The following NCALD variants were observed in gnomAD, a reference collection of about 807,000 sequenced individuals.
NCALD encodes neurocalcin-delta.
In NCALD, 10 loss-of-function variants were observed where a neutral mutation model predicts 18.6. That is an observed-to-expected ratio of 0.54 (90% confidence interval 0.33 to 0.91). The LOEUF (loss-of-function observed/expected upper bound fraction) is 0.91. Ranked by LOEUF, NCALD falls within the 40% of genes least tolerant of loss-of-function variation. The pLI is 0.03. For missense variants in NCALD, 184 were observed against 247.6 expected (o/e 0.74, Z 1.72); for synonymous variants, 88 against 87.4 (o/e 1.01, Z -0.04).
chr8:101,771,588 A>G (rs1179191592), intron 1 of NCALD, among the ~76,000 whole-genome samples: 3 of 152,208 alleles, frequency 2.0e-5, no homozygotes, highest in African/African-American at 4.8e-5. Context: ...AAATGCATCT[A>G]ATGCCTAAGG....
intron 1 of NCALD, among the ~76,000 whole-genome samples, chr8:102,093,484 G>C (rs1298246636): frequency 6.6e-6 from 1 of 152,166 alleles, no homozygotes; most frequent in East Asian, 1.9e-4. Context: ...GGTAAGTAAG[G>C]TTGGTAAGAT....
chr8:102,065,099 G>A (rs1360322137), intron 1 of NCALD, among the ~76,000 whole-genome samples: 1 of 151,882 alleles, frequency 6.6e-6, no homozygotes, highest in Admixed American at 6.6e-5. Flanking sequence ...AGCAGTAGGG[G>A]CTTTGAGGGC....
chr8:101,725,589 C>T (rs1281321968), intron 1 of NCALD, among the ~76,000 whole-genome samples: 13 of 152,188 alleles, frequency 8.5e-5, no homozygotes, highest in African/African-American at 2.7e-4. Context: ...CTTAGCCATC[C>T]GCAGACAGCA....
At chr8:101,692,006 T>C in intron 3 of NCALD, 1 of 983,228 alleles carries the variant, frequency 1.0e-6, no homozygotes. Flanking sequence ...ATTAAATACA[T>C]GATGCCCCGT....
intron 4 of NCALD, among the ~76,000 whole-genome samples, chr8:101,798,233 A>AAATGATT (rs1421335873): frequency 6.6e-6 from 1 of 152,332 alleles, no homozygotes; most frequent in East Asian, 1.9e-4. Context: ...TTTGTGGATG[A>AAATGATT]AATGATTATC....
chr8:101,750,877 C>T (rs1244516938), intron 1 of NCALD, among the ~76,000 whole-genome samples: 1 of 152,148 alleles, frequency 6.6e-6, no homozygotes, highest in African/African-American at 2.4e-5. Context: ...AAGAGGTCTC[C>T]ACCTCTGATG....
At chr8:101,799,408 A>G (rs1221589967) in intron 4 of NCALD, among the ~76,000 whole-genome samples, 2 of 152,190 alleles carry the variant, frequency 1.3e-5, no homozygotes, top group Admixed American at 1.3e-4. Flanking sequence ...CTATCATGCA[A>G]CTCAGCAATT....
chr8:101,882,180 C>T (rs1402868136), intron 4 of NCALD, among the ~76,000 whole-genome samples: 1 of 152,156 alleles, frequency 6.6e-6, no homozygotes, highest in Non-Finnish European at 1.5e-5. Context: ...AAGGATCACG[C>T]TAACAACATG....
chr8:101,709,038 CACAA>C (rs766675408), intron 2 of NCALD, among the ~76,000 whole-genome samples: 3 of 152,148 alleles, frequency 2.0e-5, no homozygotes, highest in Admixed American at 6.5e-5. Flanking sequence ...GGATAAAACA[CACAA>C]ACAAAGCAAA....
At chr8:102,103,220 C>A (rs1825344623) in intron 1 of NCALD, among the ~76,000 whole-genome samples, 1 of 128,254 alleles carries the variant, frequency 7.8e-6, no homozygotes, top group Non-Finnish European at 1.6e-5. Flanking sequence ...ACGATTGCCA[C>A]CTCTCTTCTC....
rs189060880 is a variant in NCALD, at chr8:101,989,425, C to T, written c.-157+30812G>A. ...ATACATAAAAAGATGCTCATGGCAA[C>T]ATTACTTATTATAGTTTAAAAAAAT... On this transcript the variant is annotated intron_variant, in intron 2 of 6. Coordinates refer to the NCALD transcript ENST00000311028. Among the ~76,000 whole-genome samples the T allele has an allele frequency of 2.2e-3, 338 of 152,272 alleles. 3 individuals are homozygous for T. The highest frequency in any genetic ancestry group is 0.021 in the Admixed American group (324 of 15,302).
chr8:101,826,933 A>G (rs2131221261), intron 4 of NCALD, among the ~76,000 whole-genome samples: 1 of 152,332 alleles, frequency 6.6e-6, no homozygotes, highest in Non-Finnish European at 1.5e-5. Flanking sequence ...CACACAAGAA[A>G]TAGATTAAAG....
At chr8:102,075,540 A>C (rs1388688844) in intron 1 of NCALD, among the ~76,000 whole-genome samples, 1 of 152,200 alleles carries the variant, frequency 6.6e-6, no homozygotes, top group East Asian at 1.9e-4. Flanking sequence ...TGCATCTCTT[A>C]GGGTTTTCTT....
chr8:101,761,034 G>A (rs1320144527), intron 1 of NCALD, among the ~76,000 whole-genome samples: 1 of 106,384 alleles, frequency 9.4e-6, no homozygotes, highest in East Asian at 3.4e-4. Flanking sequence ...GGGGCGGGGG[G>A]AGGGATGCTT....
chr8:102,075,584 T>C (rs1368573911), intron 1 of NCALD, among the ~76,000 whole-genome samples: 2 of 152,224 alleles, frequency 1.3e-5, no homozygotes, highest in Non-Finnish European at 2.9e-5. Flanking sequence ...CTGAGGTTCC[T>C]TCTTATTTAA....
chr8:102,110,563 A>G (rs1489625736), intron 1 of NCALD, among the ~76,000 whole-genome samples: 1 of 152,190 alleles, frequency 6.6e-6, no homozygotes, highest in Non-Finnish European at 1.5e-5. Context: ...TAGGCTGGGC[A>G]CTTAGATTAG....
At chr8:101,898,739 T>C (rs1817305810) in intron 3 of NCALD, among the ~76,000 whole-genome samples, 1 of 152,166 alleles carries the variant, frequency 6.6e-6, no homozygotes, top group South Asian at 2.1e-4. Flanking sequence ...TTCTGTCCTA[T>C]GTATCACTCT....
rs145623636 is a variant in NCALD, at chr8:102,110,423, G to A, written c.-210+13814C>T. Among the ~76,000 whole-genome samples, 130 of 152,204 alleles carry A rather than the reference G, an allele frequency of 8.5e-4. No homozygotes were observed. The East Asian group carries it at 0.018, about 21-fold the overall frequency. ...AGGACAGTCCCTATTTCTGCCTGTC[G>A]TTTTGCTGTAATTATTAGAAAGCAC... On this transcript the variant is annotated intron_variant, in intron 1 of 6. Transcript: ENST00000311028.
intron 1 of NCALD, among the ~76,000 whole-genome samples, chr8:101,781,559 C>T (rs1314099014): frequency 6.6e-6 from 1 of 152,160 alleles, no homozygotes; most frequent in African/African-American, 2.4e-5. Context: ...GGAAAACATA[C>T]CTTTCATTCA....
Sources: allele counts gnomAD v4.1 joint callset (sites outside exome capture counted in the v4.1 genomes callset), GRCh38; gene constraint gnomAD v4.1.1; transcripts MANE v1.5; gene names NCBI Gene and HGNC (gene_info 2026-07-23, HGNC 2026-07-21).